The following ZFP28 variants were observed in gnomAD, a reference collection of about 807,000 sequenced individuals.
ZFP28 encodes the protein zinc finger protein 28 homolog.
ZFP28 carries 31 observed loss-of-function variants against 39.5 expected under a neutral mutation model. The ratio of observed to expected loss-of-function variants is 0.79; its 90% CI spans 0.59 to 1.06. The LOEUF (loss-of-function observed/expected upper bound fraction) is 1.06. Among genes scored for constraint, ZFP28 ranks in the 50% least tolerant of loss-of-function variants. The pLI is 0.00. For synonymous variants in ZFP28, 400 were observed against 378.6 expected (o/e 1.06, Z -0.66); for missense variants, 925 against 1,048.4 (o/e 0.88, Z 1.63).
intron 2 of ZFP28, among the ~76,000 whole-genome samples, chr19:56,541,838 T>C (rs2044197669): frequency 6.7e-6 from 1 of 149,758 alleles, no homozygotes; most frequent in Admixed American, 6.7e-5. Flanking sequence ...GAAATGATTC[T>C]CCTTCCTCAG....
chr19:56,546,835 A>G (rs2044245199), intron 2 of ZFP28: 1 of 152,568 alleles, frequency 6.6e-6, no homozygotes, highest in African/African-American at 2.4e-5. Flanking sequence ...TGTTATTTAT[A>G]GTTTTGAATT....
At chr19:56,543,355 TTATA>T (rs1050883798) in intron 2 of ZFP28, among the ~76,000 whole-genome samples, 2 of 145,330 alleles carry the variant, frequency 1.4e-5, no homozygotes, top group Non-Finnish European at 3.0e-5. Context: ...TATGTATATT[TTATA>T]TATATATTAA....
chr19:56,540,031 G>C (rs905225506), intron 2 of ZFP28, among the ~76,000 whole-genome samples: 23 of 152,202 alleles, frequency 1.5e-4, no homozygotes, highest in African/African-American at 5.5e-4. Flanking sequence ...AGACTCTTCT[G>C]CTATACATGG....
In ZFP28 at chr19:56,550,987, G is replaced by A; in HGVS notation, c.898+382G>A. On this transcript the variant is annotated intron_variant, in intron 7 of 7. Transcript: ENST00000301318. ...TGAGAACCACAAATTGAAAGTTATG[G>A]GATTGAGCCACTCTGCTGAGTATTG... The A allele has an allele frequency of 2.2e-6, 3 of 1,339,306 alleles. 1 individual carries two copies. The highest frequency in any genetic ancestry group is 3.5e-5 in the South Asian group (2 of 56,532). 83.0% of individuals were successfully genotyped at this position (1,339,306 alleles called of 1,614,324 possible). A position where few individuals can be genotyped will look rare whatever the true frequency, so the allele number is the denominator to read the frequency against.
At position 56,554,284 on chromosome 19, in the gene ZFP28, C is replaced by G; in HGVS notation, c.1499C>G (p.Thr500Ser). 1.2e-6 allele frequency: 2 copies of G among 1,614,166 alleles called. No individual in the cohort carries two copies. The highest frequency in any genetic ancestry group is 1.7e-6 in the Non-Finnish European group (2 of 1,180,022). Residue 500 changes from threonine to serine, a missense_variant, in exon 8 of 8, where the codon ACT (threonine) becomes AGT (serine). By Grantham distance (58) the Thr-to-Ser change is moderately conservative. This residue lies in a region of ZFP28 where 369 missense variants were observed against 505.5 expected (regional missense o/e 0.73). Transcript: ENST00000301318. The surrounding 1 kb of genome is among the most constrained non-coding windows in gnomAD (Gnocchi z 6.7). Reference protein sequence around the residue: ...SLIRHWRYYHTGEKPFDCIDC... With the variant: ...SLIRHWRYYHSGEKPFDCIDC... ...ATCCGTCACTGGAGATACTATCATA[C>G]TGGGGAGAAACCCTTTGATTGCATC...
rs2044289155 is a variant in ZFP28 at position 56,550,482 on chromosome 19, C to T, written c.803-28C>T. 9 of 1,601,478 alleles carry T rather than the reference C, an allele frequency of 5.6e-6. No individual in the cohort carries two copies. In the East Asian group the frequency reaches 2.0e-4, roughly 36 times the overall value. On this transcript the variant is annotated intron_variant, in intron 6 of 7. Coordinates refer to ENST00000301318, the MANE Select transcript of ZFP28 (RefSeq NM_020828.2). The stretch of plus-strand genomic sequence containing the variant: ...ATTTTAGGATGCCAAGACTATTGGC[C>T]AAACCTCATCTCTTTTCACTTTTTC...
In ZFP28 at chr19:56,554,114, T is replaced by C; in HGVS notation, c.1329T>C (p.Thr443=). ...TTACTGTTCATCAGAGAATTCACAC[T>C]GGAGAGAAACCTTATAAATGTAATG... ...SSLTVHQRIH[T]GEKPYKCNEC... is the part of the protein sequence containing the mutation. The change falls in exon 8 of 8, where the codon ACT becomes ACC. Residue 443 remains threonine (T), a synonymous_variant. Coordinates refer to ENST00000301318, the MANE Select transcript of ZFP28 (RefSeq NM_020828.2). The surrounding 1 kb of genome is among the most constrained non-coding windows in gnomAD (Gnocchi z 6.7). 1 of 1,614,224 alleles carries C rather than the reference T, an allele frequency of 6.2e-7. No individual in the cohort carries two copies. Among genetic ancestry groups the C allele is most frequent in the Non-Finnish European group, 8.5e-7 (1 of 1,180,034 alleles).
rs1232718271 is a variant in ZFP28, at chr19:56,547,903, G to C, written c.523+1G>C. ...AAGATGACAAGAGCCTGGTGCCCAG[G>C]TGAGTGTGGGAGAACCAGGTAGGGT... is the stretch of plus-strand genomic sequence containing the variant. On this transcript the variant is annotated splice_donor_variant, in intron 4 of 7. Coordinates refer to ENST00000301318, the MANE Select transcript of ZFP28 (RefSeq NM_020828.2). LOFTEE classifies it high-confidence loss of function. The surrounding 1 kb of genome is among the most constrained non-coding windows in gnomAD (Gnocchi z 4.6). The C allele has an allele frequency of 6.2e-7, 1 of 1,614,150 alleles. No homozygotes were observed. Among genetic ancestry groups the C allele is most frequent in the Admixed American group, 1.7e-5 (1 of 60,028 alleles).
chr19:56,543,668 G>C (rs1269179278), intron 2 of ZFP28, among the ~76,000 whole-genome samples: 1 of 152,152 alleles, frequency 6.6e-6, no homozygotes, highest in Non-Finnish European at 1.5e-5. Flanking sequence ...GTGTAAAAAT[G>C]TGAAACCCAT....
In ZFP28 at chr19:56,555,727, C is replaced by T; in HGVS notation, c.*335C>T. The T allele has an allele frequency of 4.5e-6, 1 of 222,428 alleles. No homozygotes were observed. Among genetic ancestry groups the T allele is most frequent in the African/African-American group, 2.3e-5 (1 of 44,042 alleles). 13.8% of individuals were successfully genotyped at this position (222,428 alleles called of 1,614,324 possible). Reference sequence around the variant, plus strand: ...CACATTTTCTATCAGGAACAGAATTCTCCAGTAGTGGGTGAGGTTTTGCCT... The same window carrying T: ...CACATTTTCTATCAGGAACAGAATTTTCCAGTAGTGGGTGAGGTTTTGCCT... On this transcript the variant is annotated 3_prime_UTR_variant, in exon 8 of 8. Transcript: ENST00000301318.
intron 4 of ZFP28, chr19:56,548,448 AT>A (rs2044263096): frequency 6.5e-6 from 1 of 152,856 alleles, no homozygotes. Flanking sequence ...CTGGACTTTT[AT>A]TAGTTAGCAT....
Position 56,554,021 on chromosome 19 carries a change from C to G in ZFP28, c.1236C>G (p.Gly412=), listed in dbSNP as rs770381596. The G allele has an allele frequency of 6.2e-7, 1 of 1,613,270 alleles. No individual in the cohort carries two copies. Among genetic ancestry groups the G allele is most frequent in the South Asian group, 1.1e-5 (1 of 90,814 alleles). The change falls in exon 8 of 8, where the codon GGC becomes GGG. Residue 412 remains glycine (G), a synonymous_variant. Coordinates refer to ENST00000301318, the MANE Select transcript of ZFP28 (RefSeq NM_020828.2). The surrounding 1 kb of genome is among the most constrained non-coding windows in gnomAD (Gnocchi z 6.7). ...QKSSVVIKQT[G]IYAGKKLFKC... The stretch of plus-strand genomic sequence containing the variant: ...GTTCAGTGGTAATAAAACAAACAGG[C>G]ATCTATGCAGGAAAAAAGCTTTTCA...
At position 56,555,780 on chromosome 19, in the gene ZFP28, A is replaced by C; in HGVS notation, c.*388A>C. On this transcript the variant is annotated 3_prime_UTR_variant, in exon 8 of 8. Transcript: ENST00000301318. ...GTTGGTTTTAAAACTTGATTCTATA[A>C]TGCCAAGTTAGTTTTGTGGCTTTCC... 5.9e-6 allele frequency: 1 copy of C among 170,594 alleles called. No homozygotes were observed. The highest frequency in any genetic ancestry group is 1.2e-5 in the Non-Finnish European group (1 of 80,704). 10.6% of individuals were successfully genotyped at this position (170,594 alleles called of 1,614,324 possible). A position where few individuals can be genotyped will look rare whatever the true frequency, so the allele number is the denominator to read the frequency against.
intron 2 of ZFP28, among the ~76,000 whole-genome samples, chr19:56,542,852 A>G (rs2044207968): frequency 6.6e-6 from 1 of 152,008 alleles, no homozygotes; most frequent in Non-Finnish European, 1.5e-5. Flanking sequence ...TGCAGCCTCA[A>G]ACTCCGGGCC....
intron 5 of ZFP28, among the ~76,000 whole-genome samples, chr19:56,549,771 A>G (rs12609033): frequency 0.028 from 4,289 of 152,234 alleles, 103 homozygotes; most frequent in East Asian, 0.11. Context: ...AATAATTTGT[A>G]TGAATATGGG....
At position 56,554,355 on chromosome 19, in the gene ZFP28, A is replaced by C. The variant is rs1387687180; in HGVS notation, c.1570A>C (p.Arg524=). 9 of 1,614,036 alleles carry C rather than the reference A, an allele frequency of 5.6e-6. No individual in the cohort carries two copies. Among genetic ancestry groups the C allele is most frequent in the Non-Finnish European group, 7.6e-6 (9 of 1,180,024 alleles). Residue 524 remains arginine, a synonymous_variant, in exon 8 of 8, where the codon AGG becomes CGG. Coordinates refer to ENST00000301318, the MANE Select transcript of ZFP28 (RefSeq NM_020828.2). The surrounding 1 kb of genome is among the most constrained non-coding windows in gnomAD (Gnocchi z 6.7). ...FSDHIGLNQH[R]RIHTGEKPYK... is the part of the protein sequence containing the mutation. ...TGACCACATAGGGCTTAATCAACAC[A>C]GGAGAATTCATACTGGAGAGAAACC... is the stretch of plus-strand genomic sequence containing the variant.
rs571652719 is a variant in ZFP28, at chr19:56,546,415, C to G, written c.301-1093C>G. ...ACTATGCTCCATAAAAATCTGCCAG[C>G]AGGAGCTGAGCAGCCCCATCTTGCC... On this transcript the variant is annotated intron_variant, in intron 2 of 7. Transcript: ENST00000301318. 3 of 152,278 alleles carry G rather than the reference C, an allele frequency of 2.0e-5. No homozygotes were observed. The East Asian group carries it at 5.8e-4, about 29-fold the overall frequency. The allele number at this position is 152,278 out of a possible 1,614,324, so 9.4% of individuals were successfully genotyped here. A position where few individuals can be genotyped will look rare whatever the true frequency, so the allele number is the denominator to read the frequency against.
At chr19:56,549,980 T>C in intron 5 of ZFP28, 87 bp from the exon 6 acceptor site, 1 of 1,056,428 alleles carries the variant, frequency 9.5e-7, no homozygotes, top group Non-Finnish European at 1.4e-6. Context: ...AGTGCCTTTT[T>C]TGCAGTGTGG....
At position 56,550,149 on chromosome 19, in the gene ZFP28, T is replaced by C; in HGVS notation, c.770T>C (p.Ile257Thr). 2 of 1,612,886 alleles carry C rather than the reference T, an allele frequency of 1.2e-6. No homozygotes were observed. The highest frequency in any genetic ancestry group is 8.5e-7 in the Non-Finnish European group (1 of 1,179,596). The stretch of plus-strand genomic sequence containing the variant: ...CAGAAGAATTTCTGTAAGAATGGGA[T>C]ATGGGAGAACAACAGTGACCTGGGA... ...PAQKNFCKNG[I>T]WENNSDLGSA... is the part of the protein sequence containing the mutation. Residue 257 changes from isoleucine to threonine, a missense_variant, in exon 6 of 8, where the codon ATA (isoleucine) becomes ACA (threonine). By Grantham distance (89) the Ile-to-Thr change is moderately conservative. Transcript: ENST00000301318.
Sources: allele counts gnomAD v4.1 joint callset (sites outside exome capture counted in the v4.1 genomes callset), GRCh38; gene constraint gnomAD v4.1.1; regional missense constraint gnomAD v4.1.1; non-coding constraint Gnocchi (gnomAD v3.1); transcripts MANE v1.5; gene names NCBI Gene and HGNC (gene_info 2026-07-23, HGNC 2026-07-21).